Variants in HTR1F observed in about 807,000 individuals in gnomAD.
The protein encoded by HTR1F is 5-hydroxytryptamine (serotonin) receptor 1F, G protein-coupled.
A neutral mutation model predicts 24.0 loss-of-function variants in HTR1F; 17 were observed. That is an observed-to-expected ratio of 0.71 (90% CI 0.48 to 1.06). The LOEUF (loss-of-function observed/expected upper bound fraction) is 1.06, where lower values mean the gene tolerates loss of function less well. HTR1F is among the 50% of genes least tolerant of loss of function. The pLI, the probability that HTR1F is intolerant of heterozygous loss-of-function variation, is 0.00. For missense variants in HTR1F, 391 were observed against 427.8 expected, an observed-to-expected ratio of 0.91 and a Z score of 0.76; for synonymous variants, 186 against 156.8, an observed-to-expected ratio of 1.19 and a Z score of -1.39.
At chr3:87,937,020 A>G (rs1179696796) in intron 2 of HTR1F, among the ~76,000 whole-genome samples, 2 of 151,046 alleles carry the variant, frequency 1.3e-5, no homozygotes, top group South Asian at 2.1e-4. Flanking sequence ...AACCGGATAG[A>G]TCCATAGCCA....
intron 2 of HTR1F, among the ~76,000 whole-genome samples, chr3:87,867,889 C>T (rs1705462342): frequency 6.6e-6 from 1 of 152,044 alleles, no homozygotes; most frequent in Admixed American, 6.6e-5. Context: ...TTCTTGTTGT[C>T]TAAATCATTA....
chr3:87,974,560 C>CT (rs5850821), intron 2 of HTR1F, among the ~76,000 whole-genome samples: 125,698 of 151,880 alleles, frequency 0.83, 53,045 homozygotes, highest in East Asian at 0.96. Context: ...GCCTGGCAAT[C>CT]TTTTTTTAAA....
At chr3:87,846,144 TA>T (rs1704936690) in intron 2 of HTR1F, among the ~76,000 whole-genome samples, 1 of 151,726 alleles carries the variant, frequency 6.6e-6, no homozygotes, top group African/African-American at 2.4e-5. Context: ...ACTATAAAAG[TA>T]GTATGGGCCG....
intron 2 of HTR1F, among the ~76,000 whole-genome samples, chr3:87,943,172 G>A (rs1250503856): frequency 1.3e-5 from 2 of 152,188 alleles, no homozygotes; most frequent in South Asian, 2.1e-4. Flanking sequence ...GGCCTGTGGG[G>A]AATCGTTCTC....
chr3:87,894,015 T>C (rs527931981), intron 2 of HTR1F, among the ~76,000 whole-genome samples: 49 of 152,076 alleles, frequency 3.2e-4, no homozygotes, highest in Admixed American at 8.5e-4. Context: ...TATTTTTCTT[T>C]TTTTTTTATT....
intron 2 of HTR1F, among the ~76,000 whole-genome samples, chr3:87,989,563 T>C (rs1705772916): frequency 6.6e-6 from 1 of 152,234 alleles, no homozygotes; most frequent in South Asian, 2.1e-4. Flanking sequence ...TTTTTTTTGC[T>C]ATTTCTCTTT....
At chr3:87,869,436 CATAGATAGATAGATAGATG>C (rs1705504653) in intron 2 of HTR1F, among the ~76,000 whole-genome samples, 1 of 117,048 alleles carries the variant, frequency 8.5e-6, no homozygotes, top group African/African-American at 3.4e-5. Flanking sequence ...TAGATAGATA[CATAGATAGATAGATAGATG>C]ATAGATAGAT....
intron 2 of HTR1F, among the ~76,000 whole-genome samples, chr3:87,931,310 G>T (rs1271283529): frequency 4.0e-5 from 6 of 150,768 alleles, no homozygotes; most frequent in Non-Finnish European, 7.4e-5. Flanking sequence ...TTGGTTTTTT[G>T]TCCTTGTGAT....
intron 2 of HTR1F, among the ~76,000 whole-genome samples, chr3:87,955,716 T>C (rs761252665): frequency 1.3e-5 from 2 of 151,526 alleles, no homozygotes; most frequent in Non-Finnish European, 3.0e-5. Flanking sequence ...GTATTTTTCA[T>C]CGTTTTATCA....
At chr3:87,913,478 A>G (rs1312370700) in intron 2 of HTR1F, among the ~76,000 whole-genome samples, 4 of 152,020 alleles carry the variant, frequency 2.6e-5, no homozygotes, top group Non-Finnish European at 5.9e-5. Flanking sequence ...GCACTTATAC[A>G]CTGGGAGTGT....
chr3:87,808,955 A>G (rs1490825551), intron 1 of HTR1F, among the ~76,000 whole-genome samples: 1 of 151,716 alleles, frequency 6.6e-6, no homozygotes, highest in African/African-American at 2.4e-5. Flanking sequence ...TAGTCTGAGA[A>G]AATATTTTAT....
intron 2 of HTR1F, among the ~76,000 whole-genome samples, chr3:87,920,787 T>G (rs1703997550): frequency 1.3e-5 from 2 of 151,874 alleles, no homozygotes; most frequent in Non-Finnish European, 2.9e-5. Context: ...AGGCTTAGTA[T>G]CTCAGCGACA....
Position 87,991,424 on chromosome 3 carries a change from G to T in HTR1F, c.675G>T (p.Val225=). 3.1e-6 allele frequency: 5 copies of T among 1,613,998 alleles called. No individual in the cohort carries two copies. The highest frequency in any genetic ancestry group is 4.2e-6 in the Non-Finnish European group (5 of 1,179,958). Reference sequence around the variant, plus strand: ...CAAGTAGGATTGCAAAGGAGGAGGTGAATGGCCAAGTCCTTTTGGAGAGTG... The same window carrying T: ...CAAGTAGGATTGCAAAGGAGGAGGTTAATGGCCAAGTCCTTTTGGAGAGTG... ...RQASRIAKEE[V]NGQVLLESGE... The change falls in exon 3 of 3, where the codon GTG becomes GTT. Residue 225 remains valine (V), a synonymous_variant. Coordinates refer to ENST00000319595, the MANE Select transcript of HTR1F (RefSeq NM_001322209.2).
chr3:87,915,149 G>A (rs1703865530), intron 2 of HTR1F, among the ~76,000 whole-genome samples: 1 of 152,086 alleles, frequency 6.6e-6, no homozygotes, highest in Non-Finnish European at 1.5e-5. Flanking sequence ...ATAGGAAAAG[G>A]GACAGAGTAC....
chr3:87,820,913 A>G (rs1211291530), intron 1 of HTR1F, among the ~76,000 whole-genome samples: 1 of 152,170 alleles, frequency 6.6e-6, no homozygotes, highest in African/African-American at 2.4e-5. Context: ...ACTAAATATG[A>G]CTAAATCAAA....
chr3:87,830,758 C>T (rs1470175783), intron 2 of HTR1F, among the ~76,000 whole-genome samples: 1 of 152,140 alleles, frequency 6.6e-6, no homozygotes, highest in African/African-American at 2.4e-5. Flanking sequence ...TAACTGTGAA[C>T]ACCAACATTG....
chr3:87,801,233 T>C (rs1703984386), intron 1 of HTR1F, among the ~76,000 whole-genome samples: 1 of 152,202 alleles, frequency 6.6e-6, no homozygotes, highest in Non-Finnish European at 1.5e-5. Context: ...TCAAAGCTCT[T>C]TGGTGCTAAT....
At chr3:87,903,978 A>T (rs1703593838) in intron 2 of HTR1F, among the ~76,000 whole-genome samples, 4 of 152,178 alleles carry the variant, frequency 2.6e-5, no homozygotes, top group Admixed American at 2.6e-4. Context: ...CAATACATCT[A>T]GCTGATGAAA....
intron 2 of HTR1F, among the ~76,000 whole-genome samples, chr3:87,901,102 A>G (rs1706311351): frequency 6.6e-6 from 1 of 152,216 alleles, no homozygotes; most frequent in South Asian, 2.1e-4. Context: ...TTATTTTATA[A>G]TAACACCATT....
Sources: allele counts gnomAD v4.1 joint callset (sites outside exome capture counted in the v4.1 genomes callset), GRCh38; gene constraint gnomAD v4.1.1; transcripts MANE v1.5; gene names NCBI Gene and HGNC (gene_info 2026-07-23, HGNC 2026-07-21).